Variants in POLR3E observed in about 807,000 individuals in gnomAD.
POLR3E encodes RNA polymerase III subunit E.
POLR3E carries 41 observed loss-of-function variants against 96.6 expected under a neutral mutation model. The observed-to-expected ratio is 0.42, with a 90% CI of 0.33 to 0.55. The LOEUF (loss-of-function observed/expected upper bound fraction) is 0.55, where lower values mean the gene tolerates loss of function less well. Among genes scored for constraint, POLR3E ranks in the 20% least tolerant of loss-of-function variants. The pLI, the probability that POLR3E is intolerant of heterozygous loss-of-function variation, is 0.06. For synonymous variants in POLR3E, 396 were observed against 383.6 expected, an observed-to-expected ratio of 1.03 and a Z score of -0.38; for missense variants, 849 against 952.1, an observed-to-expected ratio of 0.89 and a Z score of 1.43.
rs1276649406 is a variant in POLR3E at position 22,334,515 on chromosome 16, G to C, written c.*815G>C. Reference sequence around the variant, plus strand: ...GCTCAGCGTTACGTGTATCTAGAGGGAACGGAGCTAATGGAGGAAGACAGA... The same window carrying C: ...GCTCAGCGTTACGTGTATCTAGAGGCAACGGAGCTAATGGAGGAAGACAGA... On this transcript the variant is annotated 3_prime_UTR_variant, in exon 21 of 21. Transcript: ENST00000299853. The C allele has an allele frequency of 1.3e-5, 2 of 152,204 alleles. No homozygotes were observed. The highest frequency in any genetic ancestry group is 2.9e-5 in the Non-Finnish European group (2 of 68,046). 9.4% of individuals were successfully genotyped at this position (152,204 alleles called of 1,614,324 possible).
rs2048801878 is a variant in POLR3E, at chr16:22,334,128, G to A, written c.*428G>A. 1 of 158,158 alleles carries A rather than the reference G, an allele frequency of 6.3e-6. No individual in the cohort carries two copies. Among genetic ancestry groups the A allele is most frequent in the Non-Finnish European group, 1.4e-5 (1 of 72,242 alleles). 9.8% of individuals were successfully genotyped at this position (158,158 alleles called of 1,614,324 possible). On this transcript the variant is annotated 3_prime_UTR_variant, in exon 21 of 21. Coordinates refer to ENST00000299853, the MANE Select transcript of POLR3E (RefSeq NM_018119.4). Reference sequence around the variant, plus strand: ...AAGTTCTTAATTTTTAAAATGCCTAGAAGACAATATTTAGTCTTGGATTAT... The same window carrying A: ...AAGTTCTTAATTTTTAAAATGCCTAAAAGACAATATTTAGTCTTGGATTAT...
At chr16:22,319,019 G>GGCT in intron 13 of POLR3E, 73 bp downstream of exon 13, 1 of 1,210,766 alleles carries the variant, frequency 8.3e-7, no homozygotes, top group African/African-American at 1.5e-5. Flanking sequence ...TTGTTGCCCA[G>GGCT]GCTGGTGTGT....
intron 19 of POLR3E, chr16:22,331,754 C>CA (rs2048745487): frequency 4.5e-6 from 1 of 222,926 alleles, no homozygotes; most frequent in African/African-American, 2.3e-5. Flanking sequence ...GAAATATGTT[C>CA]AAGCCACTCA....
chr16:22,326,196 G>A lies in POLR3E; in HGVS notation c.1784G>A (p.Gly595Asp). The A allele has an allele frequency of 8.7e-6, 14 of 1,613,866 alleles. No homozygotes were observed. The highest frequency in any genetic ancestry group is 1.2e-5 in the Non-Finnish European group (14 of 1,179,980). ...CTGCACTTGGCCAGCCTGCCCCCCG[G>A]CCACACACTCTTCAGCGGCATCTCG... ...FNLHLASLPPGHTLFSGISDR... is the reference protein window; with the variant it reads ...FNLHLASLPPDHTLFSGISDR... The change falls in exon 18 of 21, where the codon GGC becomes GAC. Residue 595 changes from glycine (G) to aspartate (D), a missense_variant. Coordinates refer to ENST00000299853, the MANE Select transcript of POLR3E (RefSeq NM_018119.4).
At chr16:22,300,585 A>G (rs747000126) in intron 1 of POLR3E, among the ~76,000 whole-genome samples, 5 of 152,216 alleles carry the variant, frequency 3.3e-5, no homozygotes, top group African/African-American at 7.2e-5. Flanking sequence ...GGAGCTTGAC[A>G]TATCTGTGGC....
At position 22,302,948 on chromosome 16, in the gene POLR3E, CG is replaced by C; in HGVS notation, c.-20del. On this transcript the variant is annotated 5_prime_UTR_variant, in exon 2 of 21. Coordinates refer to ENST00000299853, the MANE Select transcript of POLR3E (RefSeq NM_018119.4). ...CTTTGCAGATCGAGCTGAAGGACTG[CG>C]CGGCTGGCTCTCCTCTAGTATGGCC... 1.2e-6 allele frequency: 2 copies of C among 1,612,686 alleles called. No homozygotes were observed. Among genetic ancestry groups the C allele is most frequent in the Non-Finnish European group, 1.7e-6 (2 of 1,178,704 alleles).
intron 7 of POLR3E, 64 bp from the exon 8 acceptor site, chr16:22,314,014 TG>T: frequency 1.5e-6 from 2 of 1,377,424 alleles, no homozygotes; most frequent in Non-Finnish European, 2.1e-6. Context: ...CCCTGGCGGG[TG>T]GGGTTGAGAG....
chr16:22,317,468 G>T (rs2048380769), intron 12 of POLR3E, among the ~76,000 whole-genome samples: 1 of 152,210 alleles, frequency 6.6e-6, no homozygotes, highest in Non-Finnish European at 1.5e-5. Flanking sequence ...CCTGTGCCAT[G>T]CTCACCACTT....
rs965147858 is a variant in POLR3E at position 22,305,078 on chromosome 16, G to A, written c.37-78G>A. 8.0e-6 allele frequency: 9 copies of A among 1,122,702 alleles called. No homozygotes were observed. In the African/African-American group the frequency reaches 9.2e-5, roughly 11 times the overall value. The allele number at this position is 1,122,702 out of a possible 1,614,324, so 69.5% of individuals were successfully genotyped here. A position where few individuals can be genotyped will look rare whatever the true frequency, so the allele number is the denominator to read the frequency against. On this transcript the variant is annotated intron_variant, in intron 2 of 20. Transcript: ENST00000299853. Reference sequence around the variant, plus strand: ...CCCTGAGCCACTGCCCTTAACTGAAGCTGGAAGCGCTGGCATAGCCCGGGG... The same window carrying A: ...CCCTGAGCCACTGCCCTTAACTGAAACTGGAAGCGCTGGCATAGCCCGGGG...
chr16:22,321,452 A>T (rs1448124028), intron 13 of POLR3E, among the ~76,000 whole-genome samples: 1 of 152,248 alleles, frequency 6.6e-6, no homozygotes, highest in Non-Finnish European at 1.5e-5. Flanking sequence ...GCAGTTTGTC[A>T]GCACCTTGCG....
At chr16:22,323,167 C>T (rs77420999) in intron 14 of POLR3E, among the ~76,000 whole-genome samples, 4 of 152,264 alleles carry the variant, frequency 2.6e-5, no homozygotes, top group East Asian at 1.9e-4. Flanking sequence ...ACGTTTCATT[C>T]GGCCTGAGTG....
At chr16:22,298,627 C>G (rs994058032) in intron 1 of POLR3E, among the ~76,000 whole-genome samples, 2 of 152,154 alleles carry the variant, frequency 1.3e-5, no homozygotes, top group South Asian at 2.1e-4. Flanking sequence ...TGCCGTTTAT[C>G]AGAAAACCGT....
intron 19 of POLR3E, among the ~76,000 whole-genome samples, chr16:22,331,274 C>T (rs1220010926): frequency 1.3e-5 from 2 of 152,034 alleles, no homozygotes; most frequent in African/African-American, 2.4e-5. Flanking sequence ...CCTCTGCGCC[C>T]GGCATGAAGC....
chr16:22,328,536 G>A lies in POLR3E; in HGVS notation c.1893G>A (p.Pro631=), dbSNP rs752243909. 2.7e-5 allele frequency: 43 copies of A among 1,613,944 alleles called. No individual in the cohort carries two copies. Among genetic ancestry groups the A allele is most frequent in the Middle Eastern group, 3.3e-4 (2 of 6,082 alleles). ...TTCCCCCCCAGACTGCTGCTTCCCC[G>A]GATGAGCAGAAGGTGTTTGCCCTCT... The part of the protein sequence containing the change: ...VPFPPQTAAS[P]DEQKVFALWE... Residue 631 remains proline, a synonymous_variant, in exon 19 of 21, where the codon CCG becomes CCA. Transcript: ENST00000299853.
rs1419497481 is a variant in POLR3E, at chr16:22,297,500, G to A, written c.-76G>A. Reference sequence around the variant, plus strand: ...CGTCTCTGCAGCCCGCGGGTAACTGGGCCGTTGCCGCCGTCCGCGCTCGGC... The same window carrying A: ...CGTCTCTGCAGCCCGCGGGTAACTGAGCCGTTGCCGCCGTCCGCGCTCGGC... On this transcript the variant is annotated 5_prime_UTR_variant, in exon 1 of 21. Transcript: ENST00000299853. The A allele has an allele frequency of 6.6e-6, 1 of 152,468 alleles. No individual in the cohort carries two copies. Among genetic ancestry groups the A allele is most frequent in the Non-Finnish European group, 1.5e-5 (1 of 68,216 alleles). 9.4% of individuals were successfully genotyped at this position (152,468 alleles called of 1,614,324 possible).
chr16:22,309,265 C>T, intron 5 of POLR3E, 163 bp from the exon 6 acceptor site: 1 of 716,832 alleles, frequency 1.4e-6, no homozygotes, highest in Non-Finnish European at 2.5e-6. Context: ...CATGGGTTTT[C>T]TCATCCCCAG....
intron 19 of POLR3E, among the ~76,000 whole-genome samples, chr16:22,330,738 T>C (rs899345771): frequency 6.6e-6 from 1 of 152,180 alleles, no homozygotes; most frequent in African/African-American, 2.4e-5. Context: ...AATACAGTAT[T>C]ACTGTTTGTC....
chr16:22,304,714 C>T (rs530984444), intron 2 of POLR3E, among the ~76,000 whole-genome samples: 1 of 152,258 alleles, frequency 6.6e-6, no homozygotes, highest in East Asian at 1.9e-4. Context: ...CCATCAGTCA[C>T]AAAGGGCCTT....
chr16:22,300,989 A>G (rs2048008864), intron 1 of POLR3E, among the ~76,000 whole-genome samples: 1 of 152,072 alleles, frequency 6.6e-6, no homozygotes, highest in Non-Finnish European at 1.5e-5. Flanking sequence ...AGAGCTGTAA[A>G]CTGTCACATG....
Sources: gnomAD v4.1 joint callset for allele counts (sites outside exome capture counted in the v4.1 genomes callset) on GRCh38, gnomAD v4.1.1 for gene constraint, MANE v1.5 for transcripts, NCBI Gene and HGNC (gene_info 2026-07-23, HGNC 2026-07-21) for gene names.